RRN3: variants seen among roughly 807,000 people sequenced by gnomAD.
The protein encoded by RRN3 is RNA polymerase I transcription factor RRN3, also known as RNA polymerase I-specific transcription initiation factor RRN3.
RRN3 carries 38 observed loss-of-function variants against 82.3 expected under a neutral mutation model. The observed-to-expected ratio is 0.46, with a 90% confidence interval of 0.36 to 0.61. RRN3 has a LOEUF of 0.61. Among genes scored for constraint, RRN3 ranks in the 20% least tolerant of loss-of-function variants. RRN3 has a pLI of 0.00. For missense variants in RRN3, 726 were observed against 793.1 expected (o/e 0.92, Z 1.02); for synonymous variants, 284 against 284.3 (o/e 1.00, Z 0.01).
chr16:15,068,479 T>C (rs1597892527), intron 14 of RRN3, among the ~76,000 whole-genome samples: 1 of 152,182 alleles, frequency 6.6e-6, no homozygotes, highest in African/African-American at 2.4e-5. Flanking sequence ...CATTCATTGG[T>C]CACCAAGGCA....
At chr16:15,062,108 G>C (rs1483473242) in intron 17 of RRN3, among the ~76,000 whole-genome samples, 1 of 152,200 alleles carries the variant, frequency 6.6e-6, no homozygotes, top group East Asian at 1.9e-4. Context: ...GAGCTCAAGA[G>C]TTCCGAATCC....
intron 2 of RRN3, among the ~76,000 whole-genome samples, chr16:15,092,041 T>C (rs2046151791): frequency 6.6e-6 from 1 of 152,020 alleles, no homozygotes; most frequent in Non-Finnish European, 1.5e-5. Context: ...TAGCCAGGTG[T>C]GGTGGTGTGT....
intron 16 of RRN3, among the ~76,000 whole-genome samples, chr16:15,064,193 T>C (rs928408393): frequency 6.6e-6 from 1 of 152,146 alleles, no homozygotes; most frequent in South Asian, 2.1e-4. Flanking sequence ...TTTGTTTTTC[T>C]GAGACAGAGT....
At chr16:15,071,288 A>G (rs1264257870) in intron 12 of RRN3, 37 bp from the exon 13 acceptor site, 1 of 1,547,038 alleles carries the variant, frequency 6.5e-7, no homozygotes. Flanking sequence ...ATCTTTTTTA[A>G]TGCCTAAGAT....
At chr16:15,072,050 G>GA (rs1357148590) in intron 12 of RRN3, among the ~76,000 whole-genome samples, 3 of 151,924 alleles carry the variant, frequency 2.0e-5, no homozygotes, top group Non-Finnish European at 4.4e-5. Context: ...GCCAATCATG[G>GA]AAAAAAACAG....
At chr16:15,089,024 C>G (rs989524197) in intron 3 of RRN3, among the ~76,000 whole-genome samples, 1 of 152,034 alleles carries the variant, frequency 6.6e-6, no homozygotes, top group South Asian at 2.1e-4. Flanking sequence ...AAGTCTAGGC[C>G]GGGTGGAGTG....
chr16:15,071,333 A>G, intron 12 of RRN3, 82 bp from the exon 13 acceptor site: 1 of 1,334,596 alleles, frequency 7.5e-7, no homozygotes, highest in Non-Finnish European at 1.0e-6. Context: ...TTTTTACTTC[A>G]CCAATGTAGG....
At chr16:15,070,337 A>G in intron 13 of RRN3, 83 bp from the exon 14 acceptor site, 1 of 1,358,474 alleles carries the variant, frequency 7.4e-7, no homozygotes, top group Non-Finnish European at 1.0e-6. Flanking sequence ...GCCTTTCATT[A>G]CAAACCATGC....
At chr16:15,073,181 T>A (rs2045308076) in intron 11 of RRN3, 101 bp from the exon 12 acceptor site, 6 of 1,367,334 alleles carry the variant, frequency 4.4e-6, no homozygotes, top group Non-Finnish European at 6.1e-6. Flanking sequence ...AACAACATTA[T>A]CCAGCCAAGC....
At chr16:15,073,371 C>T (rs372705668) in intron 11 of RRN3, among the ~76,000 whole-genome samples, 1 of 152,116 alleles carries the variant, frequency 6.6e-6, no homozygotes, top group Non-Finnish European at 1.5e-5. Context: ...GCGGATGAAC[C>T]GCTTGAGCCC....
chr16:15,091,180 G>A lies in RRN3; in HGVS notation c.252+135C>T, dbSNP rs972566860. ...CTAGGGGGTAAAACTGTCCCTGGTT[G>A]AGAACCACCAGATTAAAATAAGGGA... is the stretch of plus-strand genomic sequence containing the variant. On this transcript the variant is annotated intron_variant, in intron 3 of 17. Transcript: ENST00000198767. 9 of 951,136 alleles carry A rather than the reference G, an allele frequency of 9.5e-6. No individual in the cohort carries two copies. The Admixed American group carries it at 2.1e-4, about 22-fold the overall frequency. 58.9% of individuals were successfully genotyped at this position (951,136 alleles called of 1,614,324 possible). A position where few individuals can be genotyped will look rare whatever the true frequency, so the allele number is the denominator to read the frequency against.
In RRN3 at chr16:15,074,859, A is replaced by G. The variant is rs532701001; in HGVS notation, c.861T>C (p.Asp287=). 1 of 1,606,456 alleles carries G rather than the reference A, an allele frequency of 6.2e-7. No homozygotes were observed. Among genetic ancestry groups the G allele is most frequent in the African/African-American group, 1.3e-5 (1 of 74,686 alleles). ...TTTCATGTTCAGTTTCTTCATCTTC[A>G]TCCTTTGAAGACAAAAAGTAAATAC... is the stretch of plus-strand genomic sequence containing the variant. ...TDSTEGLFNM[D]EDEETEHETK... The change falls in exon 11 of 18, where the codon GAT becomes GAC. Residue 287 remains aspartate (D), a splice_region_variant and synonymous_variant. Coordinates refer to ENST00000198767, the MANE Select transcript of RRN3 (RefSeq NM_018427.5).
chr16:15,078,331 C>G (rs1203316783), intron 9 of RRN3, among the ~76,000 whole-genome samples: 2 of 152,116 alleles, frequency 1.3e-5, no homozygotes, highest in Non-Finnish European at 2.9e-5. Flanking sequence ...TCACGTCTCT[C>G]CACTCCTAAA....
chr16:15,064,785 G>A lies in RRN3; in HGVS notation c.1706+434C>T, dbSNP rs557190097. Among the ~76,000 whole-genome samples, 8 of 152,322 alleles carry A rather than the reference G, an allele frequency of 5.3e-5. No individual in the cohort carries two copies. In the South Asian group the frequency reaches 1.2e-3, roughly 24 times the overall value. ...GGTGAAATATACGCAGGGAGACCAC[G>A]AGATGCTCATCAACAGCGAGGAAGG... On this transcript the variant is annotated intron_variant, in intron 16 of 17. Transcript: ENST00000198767.
chr16:15,066,864 T>C (rs1210251375), intron 15 of RRN3, among the ~76,000 whole-genome samples: 2 of 151,976 alleles, frequency 1.3e-5, no homozygotes, highest in Non-Finnish European at 2.9e-5. Context: ...CCCCTGCTCT[T>C]AGCCTCACAT....
At chr16:15,087,338 A>G (rs1320133397) in intron 3 of RRN3, among the ~76,000 whole-genome samples, 2 of 152,170 alleles carry the variant, frequency 1.3e-5, no homozygotes, top group Non-Finnish European at 2.9e-5. Flanking sequence ...ATGTTTAGTT[A>G]TTCCCATTTT....
In RRN3 at chr16:15,074,844, A is replaced by G. The variant is rs367546639; in HGVS notation, c.876T>C (p.Thr292=). ...GLFNMDEDEE[T]EHETKAGPER... is the part of the protein sequence containing the mutation. ...CAGGACCAGCCTTTGTTTCATGTTC[A>G]GTTTCTTCATCTTCATCCTTTGAAG... Residue 292 remains threonine (T), a synonymous_variant, in exon 11 of 18, where the codon ACT becomes ACC. Coordinates refer to ENST00000198767, the MANE Select transcript of RRN3 (RefSeq NM_018427.5). The G allele has an allele frequency of 2.5e-6, 4 of 1,610,514 alleles. No individual in the cohort carries two copies. The highest frequency in any genetic ancestry group is 2.5e-6 in the Non-Finnish European group (3 of 1,178,594).
chr16:15,074,632 T>G, intron 11 of RRN3, 91 bp downstream of exon 11: 1 of 904,996 alleles, frequency 1.1e-6, no homozygotes, highest in Non-Finnish European at 1.6e-6. Context: ...TACAGGATTT[T>G]TAGTATTACT....
intron 3 of RRN3, 56 bp downstream of exon 3, chr16:15,091,259 T>C: frequency 6.2e-7 from 1 of 1,600,300 alleles, no homozygotes. Context: ...AAGAGCAAAC[T>C]ATGTCTGTAT....
Sources: gnomAD v4.1 joint callset for allele counts (sites outside exome capture counted in the v4.1 genomes callset) on GRCh38, gnomAD v4.1.1 for gene constraint, MANE v1.5 for transcripts, NCBI Gene and HGNC (gene_info 2026-07-23, HGNC 2026-07-21) for gene names.